Variants in CADM2 observed in about 807,000 individuals in gnomAD.
The protein encoded by CADM2 is cell adhesion molecule 2.
CADM2 carries 12 observed loss-of-function variants against 49.8 expected under a neutral mutation model. That is an observed-to-expected ratio of 0.24 (90% CI 0.15 to 0.39). CADM2 has a LOEUF of 0.39. CADM2 is among the 10% of genes least tolerant of loss of function. The probability of loss-of-function intolerance (pLI) is 1.00; values close to 1 mark genes in which losing one functional copy is unlikely to be tolerated. For synonymous variants in CADM2, 214 were observed against 175.4 expected, an observed-to-expected ratio of 1.22 and a Z score of -1.74; for missense variants, 378 against 492.3, an observed-to-expected ratio of 0.77 and a Z score of 2.20.
chr3:85,768,377 C>G (rs1161923229), intron 2 of CADM2, among the ~76,000 whole-genome samples: 1 of 151,612 alleles, frequency 6.6e-6, no homozygotes, highest in Non-Finnish European at 1.5e-5. Flanking sequence ...ACCCAGGAAG[C>G]AGAGGTTGCA....
At chr3:85,030,645 T>C (rs536439770) in intron 1 of CADM2, among the ~76,000 whole-genome samples, 1 of 152,234 alleles carries the variant, frequency 6.6e-6, no homozygotes, top group South Asian at 2.1e-4. Context: ...TGACCCTCCA[T>C]CTTACTTATA....
At chr3:85,473,028 A>G (rs1234726473) in intron 1 of CADM2, among the ~76,000 whole-genome samples, 1 of 152,096 alleles carries the variant, frequency 6.6e-6, no homozygotes, top group Admixed American at 6.6e-5. Flanking sequence ...TGTAATGAAT[A>G]TGATATATTG....
intron 1 of CADM2, among the ~76,000 whole-genome samples, chr3:85,431,154 C>T (rs936089699): frequency 7.2e-5 from 11 of 152,000 alleles, no homozygotes; most frequent in Admixed American, 5.9e-4. Context: ...TAACATATTT[C>T]GCAGGTTTGT....
chr3:85,825,347 G>A (rs556456515), intron 3 of CADM2, among the ~76,000 whole-genome samples: 96 of 152,096 alleles, frequency 6.3e-4, no homozygotes, highest in African/African-American at 2.3e-3. Context: ...AGGTGAGGAG[G>A]TATTACTTAC....
intron 1 of CADM2, among the ~76,000 whole-genome samples, chr3:85,024,908 A>C (rs962965702): frequency 4.6e-5 from 7 of 152,124 alleles, no homozygotes; most frequent in African/African-American, 1.7e-4. Flanking sequence ...ATTTTTACAA[A>C]ATATAAAATC....
intron 1 of CADM2, among the ~76,000 whole-genome samples, chr3:85,395,585 AG>A (rs945679773): frequency 1.3e-5 from 2 of 152,206 alleles, no homozygotes; most frequent in African/African-American, 4.8e-5. Context: ...TACTCCAAAA[AG>A]GTTGTAGATT....
chr3:85,668,594 A>G (rs2065645303), intron 1 of CADM2, among the ~76,000 whole-genome samples: 1 of 152,014 alleles, frequency 6.6e-6, no homozygotes, highest in African/African-American at 2.4e-5. Context: ...GATAGTTTTA[A>G]AAATGGGAGT....
intron 1 of CADM2, among the ~76,000 whole-genome samples, chr3:85,122,277 A>G (rs931591010): frequency 1.3e-5 from 2 of 152,138 alleles, no homozygotes; most frequent in Non-Finnish European, 2.9e-5. Context: ...TTTCATCCTC[A>G]AGACTAATTA....
intron 8 of CADM2, among the ~76,000 whole-genome samples, chr3:85,977,829 G>A (rs1320402707): frequency 6.6e-6 from 1 of 151,426 alleles, no homozygotes; most frequent in South Asian, 2.1e-4. Context: ...TTTCCCTGTC[G>A]AAAAACAGGT....
At chr3:85,764,486 C>A (rs1449376179) in intron 2 of CADM2, among the ~76,000 whole-genome samples, 1 of 151,976 alleles carries the variant, frequency 6.6e-6, no homozygotes, top group Non-Finnish European at 1.5e-5. Flanking sequence ...ACAGAATACT[C>A]GTATACACAT....
chr3:85,643,078 A>G (rs1054594955), intron 1 of CADM2, among the ~76,000 whole-genome samples: 2 of 152,128 alleles, frequency 1.3e-5, no homozygotes, highest in Non-Finnish European at 2.9e-5. Flanking sequence ...TGGAAACACA[A>G]TTATAATATT....
intron 1 of CADM2, among the ~76,000 whole-genome samples, chr3:85,280,995 C>A (rs1576272434): frequency 6.6e-6 from 1 of 151,436 alleles, no homozygotes; most frequent in African/African-American, 2.4e-5. Context: ...TAGATAAGTT[C>A]AGGAAAAAAA....
At chr3:85,712,364 T>C (rs936907587) in intron 1 of CADM2, among the ~76,000 whole-genome samples, 2 of 152,172 alleles carry the variant, frequency 1.3e-5, no homozygotes, top group Non-Finnish European at 2.9e-5. Context: ...ATGTAGTTGG[T>C]AATTACAAGA....
chr3:85,634,723 ACT>A (rs1299075536), intron 1 of CADM2, among the ~76,000 whole-genome samples: 2 of 151,940 alleles, frequency 1.3e-5, no homozygotes, highest in Admixed American at 1.3e-4. Flanking sequence ...TGTGTACTTG[ACT>A]CTTTTATGTG....
chr3:85,469,339 A>T (rs1220787370), intron 1 of CADM2, among the ~76,000 whole-genome samples: 1 of 152,190 alleles, frequency 6.6e-6, no homozygotes, highest in Non-Finnish European at 1.5e-5. Context: ...ATGTATTAGT[A>T]ATGCAAGGGA....
intron 1 of CADM2, among the ~76,000 whole-genome samples, chr3:85,615,597 T>C (rs2063782187): frequency 6.6e-6 from 1 of 151,894 alleles, no homozygotes; most frequent in Non-Finnish European, 1.5e-5. Context: ...TCATTTGTCT[T>C]TCTTTCCTTA....
At chr3:85,960,817 G>A (rs1239238825) in intron 7 of CADM2, among the ~76,000 whole-genome samples, 1 of 151,574 alleles carries the variant, frequency 6.6e-6, no homozygotes, top group Non-Finnish European at 1.5e-5. Flanking sequence ...AGCAGCAGAG[G>A]TGAAATGGAA....
intron 1 of CADM2, among the ~76,000 whole-genome samples, chr3:85,677,082 G>T (rs920541903): frequency 1.6e-4 from 24 of 152,044 alleles, no homozygotes; most frequent in African/African-American, 5.8e-4. Context: ...AATTAAATTA[G>T]CTTTTCTCAG....
At chr3:85,489,929 C>A (rs898160617) in intron 1 of CADM2, among the ~76,000 whole-genome samples, 3 of 151,894 alleles carry the variant, frequency 2.0e-5, no homozygotes, top group Admixed American at 2.0e-4. Context: ...ACAAATATAA[C>A]CCCATGCCTT....
Sources: gnomAD v4.1 joint callset for allele counts (sites outside exome capture counted in the v4.1 genomes callset) on GRCh38, gnomAD v4.1.1 for gene constraint, MANE v1.5 for transcripts, NCBI Gene and HGNC (gene_info 2026-07-23, HGNC 2026-07-21) for gene names.